The following CTSK variants were observed in gnomAD, a reference collection of about 807,000 sequenced individuals.
CTSK encodes the protein cathepsin K.
CTSK carries 26 observed loss-of-function variants against 40.5 expected under a neutral mutation model. That is an observed-to-expected ratio of 0.64 (90% CI 0.47 to 0.89). CTSK has a LOEUF of 0.89. Ranked by LOEUF, CTSK falls within the 40% of genes least tolerant of loss-of-function variation. CTSK has a pLI of 0.00. For synonymous variants in CTSK, 132 were observed against 143.2 expected (o/e 0.92, Z 0.56); for missense variants, 292 against 400.1 (o/e 0.73, Z 2.30).
intron 7 of CTSK, 74 bp downstream of exon 7, chr1:150,799,094 A>G (rs1407510716): frequency 1.3e-5 from 13 of 981,730 alleles, no homozygotes; most frequent in Admixed American, 8.5e-5. Context: ...AGAGAAAGGA[A>G]TATCGGGAAG....
intron 7 of CTSK, among the ~76,000 whole-genome samples, chr1:150,798,471 C>T (rs1653916027): frequency 6.6e-6 from 1 of 152,174 alleles, no homozygotes; most frequent in East Asian, 1.9e-4. Context: ...TTAGTTAGGT[C>T]TGTCTTATTG....
chr1:150,807,017 C>CTCTCTCTCTCTCTT (rs1337177963), intron 1 of CTSK, among the ~76,000 whole-genome samples: 11 of 151,750 alleles, frequency 7.2e-5, no homozygotes, highest in Admixed American at 2.0e-4. Flanking sequence ...CTCTCTCTCT[C>CTCTCTCTCTCTCTT]TCTCTCTCGG....
At chr1:150,807,571 G>C (rs1251417799) in intron 1 of CTSK, 3 of 327,848 alleles carry the variant, frequency 9.2e-6, no homozygotes, top group South Asian at 2.5e-5. Context: ...TCAGATCCAA[G>C]GTTTGTTAGA....
chr1:150,807,290 T>G (rs1237114507), intron 1 of CTSK: 1 of 471,744 alleles, frequency 2.1e-6, no homozygotes, highest in Admixed American at 2.3e-5. Context: ...TCCTGATCAT[T>G]TCTTCGAGGC....
chr1:150,805,231 G>C lies in CTSK; in HGVS notation c.399+630C>G, dbSNP rs12092817. On this transcript the variant is annotated intron_variant, in intron 4 of 7. Transcript: ENST00000271651. Reference sequence around the variant, plus strand: ...TCTCAAAAAAAAAAAAAAAATTTGGGGGGGGGGAAAGGATTATTTGTGACC... The same window carrying C: ...TCTCAAAAAAAAAAAAAAAATTTGGCGGGGGGGAAAGGATTATTTGTGACC... 1.8e-3 allele frequency among the ~76,000 whole-genome samples: 265 copies of C among 146,070 alleles called. 1 individual carries two copies. The highest frequency in any genetic ancestry group is 6.1e-3 in the African/African-American group (243 of 39,976).
chr1:150,802,445 G>T (rs1654011996), intron 5 of CTSK, among the ~76,000 whole-genome samples: 1 of 151,990 alleles, frequency 6.6e-6, no homozygotes, highest in Non-Finnish European at 1.5e-5. Flanking sequence ...TGGGGACAGG[G>T]TCTCACTCTG....
Position 150,796,858 on chromosome 1 carries a change from C to T in CTSK, c.931G>A (p.Ala311Thr). Residue 311 changes from alanine to threonine, a missense_variant, in exon 8 of 8, where the codon GCT becomes ACT. By Grantham distance (58) the Ala-to-Thr change is moderately conservative. Coordinates refer to ENST00000271651, the MANE Select transcript of CTSK (RefSeq NM_000396.4). ...CCACAGGCGTTGTTCTTATTTCGAG[C>T]CATGAGGATATATCCTTTGTTTCCC... ...NWGNKGYILMARNKNNACGIA... is the reference protein window; with the variant it reads ...NWGNKGYILMTRNKNNACGIA... The T allele has an allele frequency of 6.2e-7, 1 of 1,614,074 alleles. No individual in the cohort carries two copies. Among genetic ancestry groups the T allele is most frequent in the Non-Finnish European group, 8.5e-7 (1 of 1,179,984 alleles).
chr1:150,804,078 T>C lies in CTSK; in HGVS notation c.561A>G (p.Gln187=), dbSNP rs770968820. Residue 187 remains glutamine (Q), a synonymous_variant, in exon 5 of 8, where the codon CAA becomes CAG. Coordinates refer to ENST00000271651, the MANE Select transcript of CTSK (RefSeq NM_000396.4). The part of the protein sequence containing the change: ...CGGGYMTNAF[Q]YVQKNRGIDS... ...CAATACCCCGGTTCTTCTGCACATA[T>C]TGGAAGGCATTGGTCATGTAGCCCC... 1 of 1,614,164 alleles carries C rather than the reference T, an allele frequency of 6.2e-7. No homozygotes were observed. Among genetic ancestry groups the C allele is most frequent in the Admixed American group, 1.7e-5 (1 of 60,006 alleles).
intron 5 of CTSK, among the ~76,000 whole-genome samples, 155 bp from the exon 6 acceptor site, chr1:150,799,864 G>A (rs1653952391): frequency 6.6e-6 from 1 of 152,080 alleles, no homozygotes; most frequent in Non-Finnish European, 1.5e-5. Context: ...TCAGAAAAAC[G>A]AATATGAAAA....
At chr1:150,807,966 T>G (rs1045206086) in intron 1 of CTSK, among the ~76,000 whole-genome samples, 4 of 152,170 alleles carry the variant, frequency 2.6e-5, no homozygotes, top group African/African-American at 9.7e-5. Context: ...TCTTGAAGGA[T>G]GGGGAAATGA....
chr1:150,807,318 C>T (rs942744779), intron 1 of CTSK: 2 of 471,310 alleles, frequency 4.2e-6, no homozygotes, highest in African/African-American at 4.0e-5. Context: ...TCTTTCGTGC[C>T]TAAATTCTGG....
chr1:150,803,923 A>G, intron 5 of CTSK, 98 bp downstream of exon 5: 1 of 1,057,032 alleles, frequency 9.5e-7, no homozygotes. Context: ...AGGATAGGAT[A>G]ACAGAAAACA....
chr1:150,805,466 C>T (rs587742967), intron 4 of CTSK, among the ~76,000 whole-genome samples: 22 of 151,534 alleles, frequency 1.5e-4, no homozygotes, highest in South Asian at 4.2e-4. Context: ...ATGGTGAAAA[C>T]GCATCTCTAT....
intron 1 of CTSK, among the ~76,000 whole-genome samples, chr1:150,807,952 C>T (rs915477585): frequency 6.6e-6 from 1 of 152,128 alleles, no homozygotes; most frequent in African/African-American, 2.4e-5. Context: ...TGCAGAAAGG[C>T]CACTCTTGAA....
intron 4 of CTSK, among the ~76,000 whole-genome samples, chr1:150,804,974 G>C (rs779773435): frequency 6.6e-6 from 1 of 152,088 alleles, no homozygotes; most frequent in Non-Finnish European, 1.5e-5. Context: ...CACTTTGGGA[G>C]GCCGAAGCGG....
chr1:150,806,413 G>A (rs112590647), intron 2 of CTSK, among the ~76,000 whole-genome samples, 189 bp from the exon 3 acceptor site: 1 of 152,204 alleles, frequency 6.6e-6, no homozygotes, highest in Non-Finnish European at 1.5e-5. Context: ...AAGCTCTGGA[G>A]AGACAGAAAA....
chr1:150,804,324 G>A (rs1249057875), intron 4 of CTSK, 85 bp from the exon 5 acceptor site: 1 of 1,129,520 alleles, frequency 8.9e-7, no homozygotes, highest in East Asian at 2.5e-5. Context: ...AATTCCATGT[G>A]TTCTAAAAAT....
intron 5 of CTSK, chr1:150,800,984 A>C (rs1653978114): frequency 6.6e-6 from 1 of 152,320 alleles, no homozygotes; most frequent in Non-Finnish European, 1.5e-5. Context: ...ACAGAATTAC[A>C]AGTGAAACAG....
Position 150,799,840 on chromosome 1 carries a change from G to T in CTSK, c.619-131C>A, listed in dbSNP as rs922173888. On this transcript the variant is annotated intron_variant, in intron 5 of 7. Transcript: ENST00000271651. The stretch of plus-strand genomic sequence containing the variant: ...GGCAGCAGTCTAGGGTTTCTAGAGA[G>T]GGTCTGTTCTTCCTCAGAAAAACGA... 1.3e-5 allele frequency: 12 copies of T among 894,688 alleles called. No homozygotes were observed. In the African/African-American group the frequency reaches 2.0e-4, roughly 15 times the overall value. 55.4% of individuals were successfully genotyped at this position (894,688 alleles called of 1,614,324 possible).
Sources: gnomAD v4.1 joint callset for allele counts (sites outside exome capture counted in the v4.1 genomes callset) on GRCh38, gnomAD v4.1.1 for gene constraint, MANE v1.5 for transcripts, NCBI Gene and HGNC (gene_info 2026-07-23, HGNC 2026-07-21) for gene names.